Variants in NCOR2 observed in about 807,000 individuals in gnomAD.
NCOR2 encodes nuclear receptor corepressor 2, also known as CTG repeat protein 26.
In NCOR2, 81 loss-of-function variants were observed where a neutral mutation model predicts 262.9. The observed-to-expected ratio is 0.31, with a 90% CI of 0.26 to 0.37. The LOEUF is 0.37. Ranked by LOEUF, NCOR2 falls within the 10% of genes least tolerant of loss-of-function variation. The probability of loss-of-function intolerance (pLI) is 1.00; values close to 1 mark genes in which losing one functional copy is unlikely to be tolerated. For missense variants in NCOR2, 3,385 were observed against 3,621.4 expected (o/e 0.93, Z 1.68); for synonymous variants, 1,659 against 1,559.3 (o/e 1.06, Z -1.51).
intron 1 of NCOR2, among the ~76,000 whole-genome samples, chr12:124,505,286 G>A (rs1285614022): frequency 6.6e-6 from 1 of 152,182 alleles, no homozygotes; most frequent in Non-Finnish European, 1.5e-5. Flanking sequence ...CCAACCCCAA[G>A]GGGGCCCCCC....
At chr12:124,554,883 G>A (rs921151088) in intron 1 of NCOR2, among the ~76,000 whole-genome samples, 3 of 152,252 alleles carry the variant, frequency 2.0e-5, no homozygotes, top group Non-Finnish European at 4.4e-5. Context: ...CCGCAGCCTG[G>A]GAGCCTTCGA....
At chr12:124,342,011 G>A in exon 34 of NCOR2, 1 of 1,613,332 alleles carries the variant, frequency 6.2e-7, no homozygotes, top group Non-Finnish European at 8.5e-7. Flanking sequence ...GATGAGGTAG[G>A]GTGGGTACAG....
intron 4 of NCOR2, among the ~76,000 whole-genome samples, chr12:124,469,694 G>A (rs1010449342): frequency 6.6e-6 from 1 of 152,152 alleles, no homozygotes; most frequent in African/African-American, 2.4e-5. Flanking sequence ...GAACCTGTGG[G>A]TATATGCCTA....
intron 20 of NCOR2, among the ~76,000 whole-genome samples, chr12:124,371,728 G>T (rs944635256): frequency 7.2e-5 from 11 of 152,264 alleles, no homozygotes; most frequent in African/African-American, 2.6e-4. Flanking sequence ...GCGGCCCTAG[G>T]AAGCGAGCAG....
In NCOR2 at chr12:124,387,174, G is replaced by A. The variant is rs1432669640; in HGVS notation, c.1877-1287C>T. On this transcript the variant is annotated intron_variant, in intron 16 of 46. Transcript: ENST00000405201. ...ATTGTTCAGAGGTTGGGGAGCTGAG[G>A]GGCAGCCGTCTGTGTTGGTATTTTC... 3.9e-5 allele frequency among the ~76,000 whole-genome samples: 6 copies of A among 152,214 alleles called. No homozygotes were observed. The South Asian group carries it at 6.2e-4, about 16-fold the overall frequency.
intron 16 of NCOR2, among the ~76,000 whole-genome samples, chr12:124,386,289 AC>A (rs1291416110): frequency 1.3e-5 from 2 of 152,024 alleles, no homozygotes; most frequent in Non-Finnish European, 2.9e-5. Context: ...GGCCTGGCCT[AC>A]GTGACCCAGC....
chr12:124,497,919 G>A (rs937987635), upstream of NCOR2, among the ~76,000 whole-genome samples: 2 of 152,206 alleles, frequency 1.3e-5, no homozygotes, highest in African/African-American at 4.8e-5. This position sits in a 1 kb window ranked among gnomAD's most constrained non-coding sequence, Gnocchi z 4.2. Flanking sequence ...CTGGCCCTGG[G>A]AGAGAGAACA....
At chr12:124,507,350 G>A (rs2136996037) in intron 1 of NCOR2, among the ~76,000 whole-genome samples, 1 of 152,314 alleles carries the variant, frequency 6.6e-6, no homozygotes, top group East Asian at 1.9e-4. Context: ...CACATTATAT[G>A]TATCTACCAC....
chr12:124,459,114 T>C (rs2046031440), intron 5 of NCOR2, among the ~76,000 whole-genome samples: 1 of 152,056 alleles, frequency 6.6e-6, no homozygotes, highest in Non-Finnish European at 1.5e-5. Flanking sequence ...CACAAGTCAC[T>C]CTCCCAAAAA....
intron 22 of NCOR2, among the ~76,000 whole-genome samples, chr12:124,360,688 G>C (rs879925815): frequency 1.4e-4 from 12 of 84,724 alleles, no homozygotes; most frequent in Non-Finnish European, 2.0e-4. Flanking sequence ...AACCACCCCC[G>C]GCGACTCCTC....
chr12:124,511,829 T>A (rs1327512838), intron 1 of NCOR2, among the ~76,000 whole-genome samples: 1 of 152,166 alleles, frequency 6.6e-6, no homozygotes, highest in Admixed American at 6.5e-5. Context: ...TTCCCCCACC[T>A]CCAGAGACTG....
chr12:124,413,768 G>A (rs1323783867), intron 13 of NCOR2, among the ~76,000 whole-genome samples: 2 of 152,104 alleles, frequency 1.3e-5, no homozygotes, highest in African/African-American at 2.4e-5. Flanking sequence ...CGGGAGAGAG[G>A]GAGATGAGGA....
intron 1 of NCOR2, chr12:124,518,159 C>T (rs1305706298): frequency 6.6e-6 from 1 of 152,334 alleles, no homozygotes; most frequent in Admixed American, 6.5e-5. Flanking sequence ...TGACCAACCT[C>T]GCTCACGTCA....
chr12:124,501,056 ACG>A (rs1203168465), intron 1 of NCOR2, among the ~76,000 whole-genome samples: 1,343 of 49,356 alleles, frequency 0.027, 14 homozygotes, highest in Non-Finnish European at 0.034. Context: ...GCGCGCGCGC[ACG>A]CGCGCACACA....
chr12:124,371,508 G>A (rs1459086695), intron 20 of NCOR2, among the ~76,000 whole-genome samples: 1 of 152,234 alleles, frequency 6.6e-6, no homozygotes, highest in Non-Finnish European at 1.5e-5. Context: ...ACACAGAGAT[G>A]CACAGGGCGA....
At chr12:124,335,009 C>A in intron 40 of NCOR2, 126 bp downstream of exon 42, 1 of 1,423,194 alleles carries the variant, frequency 7.0e-7, no homozygotes, top group Non-Finnish European at 9.8e-7. Flanking sequence ...ATCCCCCCAG[C>A]GCCATGCCCT....
intron 17 of NCOR2, 53 bp downstream of exon 19, chr12:124,385,683 AGGCAGTCTG>A: frequency 1.9e-6 from 3 of 1,591,074 alleles, no homozygotes; most frequent in Non-Finnish European, 2.6e-6. Flanking sequence ...ACATCTCCTG[AGGCAGTCTG>A]GGCTCCTCTC....
intron 1 of NCOR2, among the ~76,000 whole-genome samples, 179 bp downstream of exon 1, chr12:124,567,129 G>A (rs2052272318): frequency 6.6e-6 from 1 of 152,016 alleles, no homozygotes; most frequent in Admixed American, 6.5e-5. Context: ...CGAGCACGCG[G>A]GCCGCAGTGT....
chr12:124,419,070 G>A (rs1270251576), intron 13 of NCOR2, among the ~76,000 whole-genome samples: 3 of 152,122 alleles, frequency 2.0e-5, no homozygotes, highest in Non-Finnish European at 2.9e-5. Flanking sequence ...CATCTGCTCT[G>A]AGACGATGCT....
Sources: gnomAD v4.1 joint callset for allele counts (sites outside exome capture counted in the v4.1 genomes callset) on GRCh38, gnomAD v4.1.1 for gene constraint, Gnocchi (gnomAD v3.1) non-coding constraint, MANE v1.5 for transcripts, NCBI Gene and HGNC (gene_info 2026-07-23, HGNC 2026-07-21) for gene names.